The following VPS8 variants were observed in gnomAD, a reference collection of about 807,000 sequenced individuals.
VPS8 encodes vacuolar protein sorting-associated protein 8 homolog.
In VPS8, 129 loss-of-function variants were observed where a neutral mutation model predicts 216.4. The observed-to-expected ratio is 0.60, with a 90% CI of 0.52 to 0.69. VPS8 has a LOEUF of 0.69. Among genes scored for constraint, VPS8 ranks in the 30% least tolerant of loss-of-function variants. VPS8 has a pLI of 0.00. For missense variants in VPS8, 1,531 were observed against 1,683.5 expected, an observed-to-expected ratio of 0.91 and a Z score of 1.59; for synonymous variants, 571 against 565.4, an observed-to-expected ratio of 1.01 and a Z score of -0.14.
At chr3:184,947,277 T>C (rs114839809) in intron 36 of VPS8, among the ~76,000 whole-genome samples, 1,765 of 152,284 alleles carry the variant, frequency 0.012, 40 homozygotes, top group African/African-American at 0.04. Flanking sequence ...TTTGGGGAGA[T>C]GTATTTTGAT....
chr3:184,851,731 C>T (rs576351487), intron 10 of VPS8, among the ~76,000 whole-genome samples: 25 of 152,242 alleles, frequency 1.6e-4, no homozygotes, highest in African/African-American at 5.1e-4. Flanking sequence ...TTACAGTGGC[C>T]TCCAGTACCT....
At chr3:184,908,838 T>C (rs1259431771) in intron 25 of VPS8, among the ~76,000 whole-genome samples, 3 of 152,268 alleles carry the variant, frequency 2.0e-5, no homozygotes, top group Admixed American at 1.3e-4. Flanking sequence ...GTCCCCTCAA[T>C]GTGGTGAGTC....
chr3:184,903,528 T>G (rs992850005), intron 25 of VPS8, among the ~76,000 whole-genome samples: 1 of 152,208 alleles, frequency 6.6e-6, no homozygotes, highest in Non-Finnish European at 1.5e-5. Context: ...CACAGTTCAT[T>G]GCAGCCTCAA....
intron 11 of VPS8, 147 bp downstream of exon 11, chr3:184,852,714 T>A (rs1724540592): frequency 5.2e-6 from 4 of 766,710 alleles, no homozygotes; most frequent in African/African-American, 1.8e-5. Flanking sequence ...AGGCTTATAT[T>A]AATAGAACAA....
chr3:184,819,758 A>G (rs1285289267), intron 1 of VPS8, among the ~76,000 whole-genome samples: 2 of 152,194 alleles, frequency 1.3e-5, no homozygotes, highest in Non-Finnish European at 2.9e-5. Flanking sequence ...GGAAAATCTG[A>G]GTACAACTTG....
intron 46 of VPS8, among the ~76,000 whole-genome samples, chr3:185,038,669 A>G (rs1759228209): frequency 6.6e-6 from 1 of 152,134 alleles, no homozygotes; most frequent in Non-Finnish European, 1.5e-5. Context: ...TTATTTTAGA[A>G]CCTACTTCTT....
In VPS8 at chr3:185,005,625, TTTTATTTA is replaced by T. The variant is rs58712087; in HGVS notation, c.4002+5787_4002+5794del. Among the ~76,000 whole-genome samples the T allele has an allele frequency of 2.1e-3, 314 of 150,330 alleles. 1 individual carries two copies. Among genetic ancestry groups the T allele is most frequent in the Non-Finnish European group, 2.4e-3 (163 of 67,636 alleles). On this transcript the variant is annotated intron_variant, in intron 45 of 47. Transcript: ENST00000625842. ...GGTATATTCCTAAGTATTTTATTTA[TTTTATTTA>T]TTTATTTATTTATTTATTTATTCTT...
intron 45 of VPS8, among the ~76,000 whole-genome samples, chr3:185,017,345 C>A (rs1755951451): frequency 6.6e-6 from 1 of 152,136 alleles, no homozygotes; most frequent in Admixed American, 6.5e-5. Flanking sequence ...CCTTAAATTT[C>A]TTTCCCTGAA....
chr3:184,828,950 GC>G (rs1719402264), intron 3 of VPS8, among the ~76,000 whole-genome samples: 3 of 152,246 alleles, frequency 2.0e-5, no homozygotes, highest in Admixed American at 2.0e-4. Flanking sequence ...GATTAAGTTT[GC>G]CTGCTTTGAA....
Position 184,926,666 on chromosome 3 carries a change from A to T in VPS8, c.2631+16A>T. On this transcript the variant is annotated intron_variant, in intron 31 of 47. Coordinates refer to ENST00000625842, the MANE Select transcript of VPS8 (RefSeq NM_001009921.3). ...AAGACAGCAGGTATGAACTACTAGA[A>T]CTCTTTTTGCTAAAAAATAGGAAAG... The T allele has an allele frequency of 6.3e-7, 1 of 1,589,214 alleles. No homozygotes were observed. The highest frequency in any genetic ancestry group is 8.6e-7 in the Non-Finnish European group (1 of 1,167,402).
chr3:185,038,743 C>G (rs1212898675), intron 46 of VPS8, among the ~76,000 whole-genome samples: 1 of 152,214 alleles, frequency 6.6e-6, no homozygotes. Flanking sequence ...GCAGGCTTTT[C>G]TCTGAATGTC....
chr3:185,013,143 G>A (rs191987800), intron 45 of VPS8, among the ~76,000 whole-genome samples: 26 of 152,350 alleles, frequency 1.7e-4, no homozygotes, highest in Admixed American at 3.9e-4. Flanking sequence ...TAGGCCAGAT[G>A]TTCCTTGCCC....
chr3:184,959,648 AT>A (rs1746165425), intron 37 of VPS8, among the ~76,000 whole-genome samples: 1 of 151,652 alleles, frequency 6.6e-6, no homozygotes, highest in Non-Finnish European at 1.5e-5. Context: ...AATTATTCTT[AT>A]TTTTCTTAAT....
At chr3:184,852,750 G>A (rs1414625002) in intron 11 of VPS8, among the ~76,000 whole-genome samples, 183 bp downstream of exon 11, 3 of 152,230 alleles carry the variant, frequency 2.0e-5, no homozygotes, top group East Asian at 3.9e-4. Context: ...TGGTCCTCCC[G>A]AGTTTTATCT....
chr3:184,980,697 A>G (rs914685578), intron 40 of VPS8, among the ~76,000 whole-genome samples: 5 of 152,100 alleles, frequency 3.3e-5, no homozygotes, highest in African/African-American at 9.7e-5. Context: ...TAAAATGGCT[A>G]TTTCATCTTT....
intron 45 of VPS8, among the ~76,000 whole-genome samples, chr3:185,022,885 G>C (rs891477086): frequency 2.0e-5 from 3 of 151,840 alleles, no homozygotes; most frequent in African/African-American, 7.3e-5. Context: ...TGGAAATTTG[G>C]ATCCTTTATT....
At chr3:184,829,190 CAT>C (rs1159496540) in intron 3 of VPS8, among the ~76,000 whole-genome samples, 4 of 152,100 alleles carry the variant, frequency 2.6e-5, no homozygotes, top group Non-Finnish European at 4.4e-5. Context: ...TACTTACACA[CAT>C]TTCTGGTTTT....
chr3:184,865,331 T>C (rs1727138678), intron 16 of VPS8, among the ~76,000 whole-genome samples: 3 of 152,020 alleles, frequency 2.0e-5, no homozygotes, highest in Non-Finnish European at 2.9e-5. Context: ...TGTATACGAA[T>C]TGATCAAAAT....
chr3:184,985,817 A>G (rs528805952), intron 42 of VPS8, among the ~76,000 whole-genome samples: 2 of 152,332 alleles, frequency 1.3e-5, no homozygotes, highest in East Asian at 3.9e-4. Context: ...ATGGACTGGA[A>G]GAGTGAAAAA....
Sources: allele counts gnomAD v4.1 joint callset (sites outside exome capture counted in the v4.1 genomes callset), GRCh38; gene constraint gnomAD v4.1.1; transcripts MANE v1.5; gene names NCBI Gene and HGNC (gene_info 2026-07-23, HGNC 2026-07-21).